The following ADAMTS18 variants were observed in gnomAD, a reference collection of about 807,000 sequenced individuals.
The protein encoded by ADAMTS18 is A disintegrin and metalloproteinase with thrombospondin motifs 18.
Under a neutral mutation model 165.9 loss-of-function variants are expected in ADAMTS18, and 157 were observed. The observed-to-expected ratio is 0.95, with a 90% CI of 0.83 to 1.08. The LOEUF is 1.08. ADAMTS18 is among the 50% of genes least tolerant of loss of function. ADAMTS18 has a pLI of 0.00. For synonymous variants in ADAMTS18, 782 were observed against 578.2 expected (o/e 1.35, Z -5.06); for missense variants, 2,040 against 1,534.0 (o/e 1.33, Z -5.51).
chr16:77,429,328 C>T (rs997634130), intron 3 of ADAMTS18, among the ~76,000 whole-genome samples: 3 of 152,092 alleles, frequency 2.0e-5, no homozygotes, highest in Non-Finnish European at 2.9e-5. Context: ...AGCAAACTAA[C>T]GCAGGAGGAG....
intron 22 of ADAMTS18, among the ~76,000 whole-genome samples, chr16:77,285,073 T>C (rs1348409568): frequency 6.6e-6 from 1 of 152,210 alleles, no homozygotes; most frequent in East Asian, 1.9e-4. Flanking sequence ...TATTTCACTG[T>C]ACATCAAGAA....
chr16:77,419,309 T>C (rs1007636480), intron 3 of ADAMTS18, among the ~76,000 whole-genome samples: 3 of 152,142 alleles, frequency 2.0e-5, no homozygotes, highest in Non-Finnish European at 2.9e-5. Flanking sequence ...ACTCAGGCTG[T>C]TGGCAGAATT....
At chr16:77,290,250 T>TGTTGC (rs1376778934) in intron 21 of ADAMTS18, among the ~76,000 whole-genome samples, 2 of 152,212 alleles carry the variant, frequency 1.3e-5, no homozygotes, top group African/African-American at 4.8e-5. Context: ...ATACGGCCTC[T>TGTTGC]GTTGCAAGTA....
chr16:77,390,691 AAAAAAAAG>A (rs1199649968), intron 3 of ADAMTS18, among the ~76,000 whole-genome samples: 1 of 150,296 alleles, frequency 6.7e-6, no homozygotes, highest in African/African-American at 2.5e-5. Context: ...CTCCATCTCA[AAAAAAAAG>A]AAAAAAAAAA....
At chr16:77,384,969 G>C (rs980138109) in intron 3 of ADAMTS18, among the ~76,000 whole-genome samples, 5 of 151,534 alleles carry the variant, frequency 3.3e-5, no homozygotes, top group Non-Finnish European at 5.9e-5. Context: ...GAATGCAGTG[G>C]AATGATCTCA....
chr16:77,293,484 C>T (rs1372666325), intron 19 of ADAMTS18, among the ~76,000 whole-genome samples: 1 of 151,812 alleles, frequency 6.6e-6, no homozygotes, highest in East Asian at 1.9e-4. Flanking sequence ...TTGCTAACTG[C>T]AAAGAAAGAG....
At chr16:77,407,472 C>T (rs905098708) in intron 3 of ADAMTS18, among the ~76,000 whole-genome samples, 1 of 151,936 alleles carries the variant, frequency 6.6e-6, no homozygotes, top group African/African-American at 2.4e-5. Context: ...CGCTAAAATG[C>T]AAAGAACACA....
At chr16:77,310,918 T>C (rs551870689) in intron 16 of ADAMTS18, among the ~76,000 whole-genome samples, 3 of 152,302 alleles carry the variant, frequency 2.0e-5, no homozygotes, top group South Asian at 2.1e-4. Context: ...CCTGGCCTGA[T>C]TGTGCATCTC....
chr16:77,373,383 C>T (rs183388049), intron 3 of ADAMTS18, among the ~76,000 whole-genome samples: 4 of 150,858 alleles, frequency 2.7e-5, no homozygotes, highest in East Asian at 2.0e-4. Flanking sequence ...CGCTTGAACA[C>T]GGGAGGCGGA....
intron 3 of ADAMTS18, among the ~76,000 whole-genome samples, chr16:77,381,622 T>A (rs922160591): frequency 2.0e-5 from 3 of 151,964 alleles, no homozygotes; most frequent in African/African-American, 7.3e-5. Flanking sequence ...ACCAACATGG[T>A]GAAACCTCGT....
intron 20 of ADAMTS18, among the ~76,000 whole-genome samples, chr16:77,292,594 A>G (rs974524647): frequency 6.6e-6 from 1 of 152,218 alleles, no homozygotes; most frequent in African/African-American, 2.4e-5. Context: ...ACAGACTTCT[A>G]TCAAGTCACT....
At chr16:77,330,064 G>C (rs995037638) in intron 12 of ADAMTS18, among the ~76,000 whole-genome samples, 3 of 152,096 alleles carry the variant, frequency 2.0e-5, no homozygotes, top group Non-Finnish European at 4.4e-5. Flanking sequence ...AAGAATATGA[G>C]ATATGGAAGA....
At chr16:77,392,713 T>C (rs1403103458) in intron 3 of ADAMTS18, among the ~76,000 whole-genome samples, 1 of 152,114 alleles carries the variant, frequency 6.6e-6, no homozygotes, top group Non-Finnish European at 1.5e-5. Flanking sequence ...TCGTAAATAT[T>C]GGTTGAATAA....
At chr16:77,379,088 C>G (rs2056994798) in intron 3 of ADAMTS18, 2 of 152,184 alleles carry the variant, frequency 1.3e-5, no homozygotes, top group Admixed American at 1.3e-4. Flanking sequence ...AATCCAAGGA[C>G]TCTAGGTTTT....
rs1448953213 is a variant in ADAMTS18, at chr16:77,341,707, A to G, written c.1707T>C (p.Ser569=). 2 of 1,612,974 alleles carry G rather than the reference A, an allele frequency of 1.2e-6. No individual in the cohort carries two copies. The highest frequency in any genetic ancestry group is 4.5e-5 in the East Asian group (2 of 44,830). The change falls in exon 11 of 23, where the codon AGT becomes AGC. Residue 569 remains serine, a synonymous_variant. Coordinates refer to ENST00000282849, the MANE Select transcript of ADAMTS18 (RefSeq NM_199355.4). ...AACTAACAAGTATGCAGTTTACCAT[A>G]CTCAAGCCACAAACGGTCCCTTCTG... is the stretch of plus-strand genomic sequence containing the variant. ...PAAEGTVCGL[S]MWCRQGQCVK... is the part of the protein sequence containing the mutation.
At chr16:77,355,083 T>C (rs2056608539) in intron 9 of ADAMTS18, among the ~76,000 whole-genome samples, 1 of 152,092 alleles carries the variant, frequency 6.6e-6, no homozygotes, top group Non-Finnish European at 1.5e-5. Context: ...GTGGTACAGG[T>C]TAAAAATAAA....
intron 10 of ADAMTS18, among the ~76,000 whole-genome samples, chr16:77,344,877 G>C (rs1272998184): frequency 6.6e-6 from 1 of 152,102 alleles, no homozygotes; most frequent in Non-Finnish European, 1.5e-5. Flanking sequence ...AAAGCCCCTT[G>C]AGAAGGCTCC....
At chr16:77,422,493 G>A (rs1398433684) in intron 3 of ADAMTS18, among the ~76,000 whole-genome samples, 1 of 150,592 alleles carries the variant, frequency 6.6e-6, no homozygotes, top group Non-Finnish European at 1.5e-5. Context: ...TACAAGGGAG[G>A]AAGGAAGAGA....
intron 3 of ADAMTS18, among the ~76,000 whole-genome samples, chr16:77,414,479 T>C (rs1414471744): frequency 6.6e-6 from 1 of 152,246 alleles, no homozygotes; most frequent in African/African-American, 2.4e-5. Flanking sequence ...GGAATTGGAT[T>C]AAAATATAAT....
Sources: gnomAD v4.1 joint callset for allele counts (sites outside exome capture counted in the v4.1 genomes callset) on GRCh38, gnomAD v4.1.1 for gene constraint, MANE v1.5 for transcripts, NCBI Gene and HGNC (gene_info 2026-07-23, HGNC 2026-07-21) for gene names.